The following SYT2 variants were observed in gnomAD, a reference collection of about 807,000 sequenced individuals.
SYT2 encodes synaptotagmin-2.
SYT2 carries 15 observed loss-of-function variants against 39.9 expected under a neutral mutation model. The ratio of observed to expected loss-of-function variants is 0.38; its 90% CI spans 0.25 to 0.58. The LOEUF (loss-of-function observed/expected upper bound fraction) is 0.58. Ranked by LOEUF, SYT2 falls within the 20% of genes least tolerant of loss-of-function variation. The pLI is 0.70. For missense variants in SYT2, 389 were observed against 530.3 expected, an observed-to-expected ratio of 0.73 and a Z score of 2.62; for synonymous variants, 181 against 204.5, an observed-to-expected ratio of 0.89 and a Z score of 0.98.
intron 1 of SYT2, among the ~76,000 whole-genome samples, chr1:202,696,325 C>T (rs778226812): frequency 6.6e-6 from 1 of 152,142 alleles, no homozygotes; most frequent in African/African-American, 2.4e-5. Flanking sequence ...TCTGACACCC[C>T]ATGAAAAGAC....
chr1:202,703,639 G>A (rs140366390), intron 1 of SYT2, among the ~76,000 whole-genome samples: 98 of 152,226 alleles, frequency 6.4e-4, no homozygotes, highest in Non-Finnish European at 1.1e-3. Context: ...CAGAAGGTCC[G>A]GAGGGAGCCT....
At chr1:202,684,693 C>A (rs1157787904) in intron 1 of SYT2, among the ~76,000 whole-genome samples, 1 of 152,178 alleles carries the variant, frequency 6.6e-6, no homozygotes, top group Non-Finnish European at 1.5e-5. Context: ...ATGTGCCCCT[C>A]ACCCGTGATG....
At chr1:202,705,346 G>GGAGCAGGA in intron 1 of SYT2, among the ~76,000 whole-genome samples, 1 of 152,390 alleles carries the variant, frequency 6.6e-6, no homozygotes, top group Admixed American at 6.5e-5. Flanking sequence ...CCCGAGCAGG[G>GGAGCAGGA]GAGCAGGAGG....
intron 1 of SYT2, among the ~76,000 whole-genome samples, chr1:202,667,692 C>CTTT (rs921932767): frequency 7.9e-5 from 12 of 151,894 alleles, no homozygotes; most frequent in Admixed American, 6.6e-5. Context: ...CAGATATTTT[C>CTTT]TTTTATTTTT....
intron 1 of SYT2, among the ~76,000 whole-genome samples, chr1:202,658,016 C>G (rs1487062677): frequency 6.6e-6 from 1 of 152,172 alleles, no homozygotes; most frequent in Non-Finnish European, 1.5e-5. Context: ...CACCTCTGGG[C>G]CCACGCTGTA....
Position 202,600,341 on chromosome 1 carries a change from G to C in SYT2, c.919+16C>G. On this transcript the variant is annotated intron_variant, in intron 7 of 8. Coordinates refer to ENST00000367268, the MANE Select transcript of SYT2 (RefSeq NM_177402.5). Reference sequence around the variant, plus strand: ...CGCTGGTGCCACCCAATGGCAGCCAGAAGCTCTCCACGTACCTGAAAGGCC... The same window carrying C: ...CGCTGGTGCCACCCAATGGCAGCCACAAGCTCTCCACGTACCTGAAAGGCC... The C allele has an allele frequency of 6.2e-7, 1 of 1,610,702 alleles. No homozygotes were observed. The highest frequency in any genetic ancestry group is 8.5e-7 in the Non-Finnish European group (1 of 1,177,062).
At chr1:202,597,235 G>A (rs191919288) in intron 8 of SYT2, among the ~76,000 whole-genome samples, 2 of 152,316 alleles carry the variant, frequency 1.3e-5, no homozygotes, top group East Asian at 3.9e-4. Context: ...GGAAGGAAAA[G>A]TGAAAAGATG....
In SYT2 at chr1:202,605,742, G is replaced by C. The variant is rs748672889; in HGVS notation, c.31C>G (p.Pro11Ala). ...GTGGTGGTGGCAGGAGCCACAATAG[G>C]CTCCTGGTTCCTCTTGAAAATGTTC... is the stretch of plus-strand genomic sequence containing the variant. MRNIFKRNQEPIVAPATTTAT... is the reference protein window; with the variant it reads MRNIFKRNQEAIVAPATTTAT... Residue 11 changes from proline to alanine, a missense_variant, in exon 2 of 9, where the codon CCT (proline) becomes GCT (alanine). Transcript: ENST00000367268. 6.2e-7 allele frequency: 1 copy of C among 1,613,984 alleles called. No homozygotes were observed. The highest frequency in any genetic ancestry group is 2.2e-5 in the East Asian group (1 of 44,894).
intron 1 of SYT2, among the ~76,000 whole-genome samples, chr1:202,648,099 T>C (rs1692124006): frequency 6.6e-6 from 1 of 152,184 alleles, no homozygotes; most frequent in Non-Finnish European, 1.5e-5. Context: ...ATGCAATCAT[T>C]GTGAATATTG....
chr1:202,649,473 A>G (rs899120705), intron 1 of SYT2, among the ~76,000 whole-genome samples: 1 of 152,258 alleles, frequency 6.6e-6, no homozygotes, highest in African/African-American at 2.4e-5. Context: ...TTTACTTCAT[A>G]CTTACAAAAA....
chr1:202,674,930 C>T (rs529872828), intron 1 of SYT2, among the ~76,000 whole-genome samples: 2 of 152,226 alleles, frequency 1.3e-5, no homozygotes, highest in Admixed American at 6.5e-5. Flanking sequence ...CAGCCTGCTT[C>T]GCCTCCTTCA....
intron 1 of SYT2, among the ~76,000 whole-genome samples, chr1:202,709,532 G>C (rs1474151775): frequency 6.6e-6 from 1 of 152,240 alleles, no homozygotes; most frequent in African/African-American, 2.4e-5. Flanking sequence ...GTCCAGAAAA[G>C]GGAGTCGGGC....
intron 1 of SYT2, among the ~76,000 whole-genome samples, chr1:202,691,722 G>A (rs1047137157): frequency 0.012 from 167 of 13,918 alleles, 2 homozygotes; most frequent in South Asian, 0.044. Context: ...AGAGGGAGAG[G>A]GAGAGGGGGG....
At chr1:202,653,228 C>T (rs184740262) in intron 1 of SYT2, among the ~76,000 whole-genome samples, 1 of 152,154 alleles carries the variant, frequency 6.6e-6, no homozygotes, top group African/African-American at 2.4e-5. Context: ...ACGGACCCCC[C>T]CTGAACCGTC....
intron 1 of SYT2, among the ~76,000 whole-genome samples, chr1:202,649,204 A>G (rs1367736892): frequency 6.6e-6 from 1 of 152,254 alleles, no homozygotes; most frequent in Non-Finnish European, 1.5e-5. Flanking sequence ...AACTGGAGAC[A>G]CTGAAACCAG....
chr1:202,638,227 G>T (rs6658260), intron 1 of SYT2, among the ~76,000 whole-genome samples: 2,092 of 152,338 alleles, frequency 0.014, 37 homozygotes, highest in African/African-American at 0.046. Flanking sequence ...CTGGGGAAAG[G>T]CTGTGGGCTT....
intron 1 of SYT2, among the ~76,000 whole-genome samples, chr1:202,606,564 G>A (rs1378403367): frequency 2.6e-5 from 4 of 152,070 alleles, no homozygotes; most frequent in African/African-American, 2.4e-5. Context: ...GGCTCCCTCA[G>A]TGCCCACTCA....
intron 1 of SYT2, among the ~76,000 whole-genome samples, chr1:202,627,017 C>A (rs1021970568): frequency 6.6e-6 from 1 of 152,226 alleles, no homozygotes; most frequent in African/African-American, 2.4e-5. Context: ...ACCACGAACT[C>A]AAGGACAGAC....
At chr1:202,653,299 G>A (rs1404938486) in intron 1 of SYT2, among the ~76,000 whole-genome samples, 22 of 152,002 alleles carry the variant, frequency 1.4e-4, no homozygotes, top group Admixed American at 1.2e-3. Context: ...AGATTCACAC[G>A]CTTACCTAGA....
Sources: gnomAD v4.1 joint callset for allele counts (sites outside exome capture counted in the v4.1 genomes callset) on GRCh38, gnomAD v4.1.1 for gene constraint, MANE v1.5 for transcripts, NCBI Gene and HGNC (gene_info 2026-07-23, HGNC 2026-07-21) for gene names.